Variants in WWC2 observed in about 807,000 individuals in gnomAD.
The protein encoded by WWC2 is WW and C2 domain containing 2.
WWC2 carries 101 observed loss-of-function variants against 138.5 expected under a neutral mutation model. The ratio of observed to expected loss-of-function variants is 0.73; its 90% CI spans 0.62 to 0.86. The LOEUF is 0.86. Among genes scored for constraint, WWC2 ranks in the 40% least tolerant of loss-of-function variants. The probability of loss-of-function intolerance (pLI) is 0.00; values close to 1 mark genes in which losing one functional copy is unlikely to be tolerated. For missense variants in WWC2, 1,420 were observed against 1,419.4 expected (o/e 1.00, Z -0.01); for synonymous variants, 558 against 538.4 (o/e 1.04, Z -0.50).
Position 183,284,245 on chromosome 4 carries a change from C to A in WWC2, c.2903C>A (p.Thr968Asn), listed in dbSNP as rs1481380472. 1.2e-6 allele frequency: 2 copies of A among 1,613,862 alleles called. No individual in the cohort carries two copies. Among genetic ancestry groups the A allele is most frequent in the Middle Eastern group, 1.6e-4 (1 of 6,084 alleles). Residue 968 changes from threonine to asparagine, a missense_variant, in exon 19 of 23, where the codon ACT (threonine) becomes AAT (asparagine). Thr to Asn is a moderately conservative substitution (Grantham distance 65, BLOSUM62 0). Transcript: ENST00000403733. ...TTATAGGTTGACAAAGAGACAAACA[C>A]TGATGAAGCCGCTAATGACAATATG... ...IPTLVDKETN[T>N]DEAANDNMAV...
At chr4:183,247,553 GTA>G (rs915522743) in intron 6 of WWC2, among the ~76,000 whole-genome samples, 48 of 128,094 alleles carry the variant, frequency 3.7e-4, no homozygotes, top group Middle Eastern at 8.4e-3. Flanking sequence ...TATATATACT[GTA>G]TATACTATAT....
At chr4:183,141,303 A>ATG (rs1733292691) in intron 1 of WWC2, among the ~76,000 whole-genome samples, 1 of 152,088 alleles carries the variant, frequency 6.6e-6, no homozygotes, top group Non-Finnish European at 1.5e-5. Context: ...CTTTCTCACC[A>ATG]TGTGTGTGTG....
At chr4:183,266,963 T>C (rs994211878) in intron 14 of WWC2, among the ~76,000 whole-genome samples, 11 of 152,072 alleles carry the variant, frequency 7.2e-5, no homozygotes, top group Non-Finnish European at 1.6e-4. Flanking sequence ...AAGAAGAAAC[T>C]GGATCTAAGA....
At chr4:183,232,386 G>A (rs1298688427) in intron 4 of WWC2, among the ~76,000 whole-genome samples, 1 of 152,032 alleles carries the variant, frequency 6.6e-6, no homozygotes. Context: ...CCTGCCCCCA[G>A]AGGGAACCTT....
chr4:183,212,446 C>T (rs574784449), intron 4 of WWC2, among the ~76,000 whole-genome samples: 13 of 152,068 alleles, frequency 8.5e-5, no homozygotes, highest in Non-Finnish European at 1.5e-4. Flanking sequence ...ATGTTTGTTT[C>T]TGTGATCTAC....
rs748482615 is a variant in WWC2, at chr4:183,261,223, C to T, written c.1600C>T (p.Pro534Ser). 1 of 1,612,946 alleles carries T rather than the reference C, an allele frequency of 6.2e-7. No individual in the cohort carries two copies. The highest frequency in any genetic ancestry group is 1.1e-5 in the South Asian group (1 of 90,874). Residue 534 changes from proline (P) to serine (S), a missense_variant, in exon 11 of 23, where the codon CCT becomes TCT. Coordinates refer to ENST00000403733, the MANE Select transcript of WWC2 (RefSeq NM_024949.6). ...GVAAAATGHT[P>S]PLAEAPKSVA... ...GGCAGCTGCAGCAACAGGCCACACT[C>T]CTCCACTGGCTGAGGCCCCGAAGTC...
At chr4:183,103,046 C>A (rs982123780) in intron 1 of WWC2, among the ~76,000 whole-genome samples, 36 of 152,046 alleles carry the variant, frequency 2.4e-4, no homozygotes, top group Admixed American at 4.6e-4. Flanking sequence ...TTGAATGTTA[C>A]CCAGAGATAC....
At chr4:183,148,109 G>A (rs1366242228) in intron 1 of WWC2, among the ~76,000 whole-genome samples, 2 of 152,152 alleles carry the variant, frequency 1.3e-5, no homozygotes, top group Admixed American at 1.3e-4. Flanking sequence ...GATACATGTA[G>A]CGTGTGAGGT....
intron 1 of WWC2, among the ~76,000 whole-genome samples, chr4:183,106,260 A>G (rs993874141): frequency 2.0e-5 from 3 of 152,198 alleles, no homozygotes; most frequent in Admixed American, 6.5e-5. Context: ...CTGGGATTAC[A>G]GGCATGAGCC....
intron 1 of WWC2, among the ~76,000 whole-genome samples, chr4:183,178,783 G>A (rs377624448): frequency 2.2e-4 from 33 of 152,240 alleles, no homozygotes; most frequent in African/African-American, 7.7e-4. Context: ...GCTTCAGGGC[G>A]CATAATCGAG....
At chr4:183,113,507 T>TGCGC (rs1732309338) in intron 1 of WWC2, among the ~76,000 whole-genome samples, 1 of 144,562 alleles carries the variant, frequency 6.9e-6, no homozygotes, top group Non-Finnish European at 1.5e-5. Context: ...TGTGTGTGTG[T>TGCGC]GTGTGTGTGC....
At chr4:183,103,881 A>G (rs535063404) in intron 1 of WWC2, among the ~76,000 whole-genome samples, 20 of 135,788 alleles carry the variant, frequency 1.5e-4, no homozygotes, top group African/African-American at 4.7e-4. Flanking sequence ...TGATGCGCCC[A>G]CCTTGGCCTC....
intron 9 of WWC2, among the ~76,000 whole-genome samples, chr4:183,258,155 C>T (rs567535260): frequency 6.6e-6 from 1 of 152,338 alleles, no homozygotes; most frequent in South Asian, 2.1e-4. Context: ...AAGTGTTTCT[C>T]TTGTTTCAGA....
At chr4:183,103,190 T>G (rs1351269968) in intron 1 of WWC2, among the ~76,000 whole-genome samples, 1 of 150,054 alleles carries the variant, frequency 6.7e-6, no homozygotes, top group Non-Finnish European at 1.5e-5. Context: ...TCTAACTGAA[T>G]AAAAATAATC....
intron 1 of WWC2, among the ~76,000 whole-genome samples, chr4:183,182,560 A>G (rs1357020977): frequency 6.6e-6 from 1 of 150,686 alleles, no homozygotes; most frequent in Non-Finnish European, 1.5e-5. Flanking sequence ...AAAGAGGTTC[A>G]GGTTAAAGTG....
intron 1 of WWC2, among the ~76,000 whole-genome samples, chr4:183,181,701 A>C (rs2111185504): frequency 6.6e-6 from 1 of 152,298 alleles, no homozygotes; most frequent in East Asian, 1.9e-4. Context: ...TTAGTAATTA[A>C]GTTTTGGGAG....
chr4:183,245,205 C>T (rs747748125), intron 5 of WWC2, among the ~76,000 whole-genome samples: 10 of 127,562 alleles, frequency 7.8e-5, no homozygotes, highest in Non-Finnish European at 1.3e-4. Context: ...CCAGCCTGGG[C>T]GACAGAACAA....
rs779426062 is a variant in WWC2, at chr4:183,320,303, T to C, written c.*4574T>C. On this transcript the variant is annotated 3_prime_UTR_variant, in exon 23 of 23. Coordinates refer to ENST00000403733, the MANE Select transcript of WWC2 (RefSeq NM_024949.6). Reference sequence around the variant, plus strand: ...AGTGTGACACTTGTGTTATAACTTATGAAACTCAGAAATATTTCTTCATTG... The same window carrying C: ...AGTGTGACACTTGTGTTATAACTTACGAAACTCAGAAATATTTCTTCATTG... 14 of 1,235,002 alleles carry C rather than the reference T, an allele frequency of 1.1e-5. No homozygotes were observed. The Admixed American group carries it at 1.3e-4, about 12-fold the overall frequency. 76.5% of individuals were successfully genotyped at this position (1,235,002 alleles called of 1,614,324 possible). A position where few individuals can be genotyped will look rare whatever the true frequency, so the allele number is the denominator to read the frequency against.
chr4:183,275,889 C>CCTGTA (rs1334541574), intron 16 of WWC2, among the ~76,000 whole-genome samples: 1 of 152,048 alleles, frequency 6.6e-6, no homozygotes, highest in Non-Finnish European at 1.5e-5. Context: ...GCCATCCAGT[C>CCTGTA]CTGTACTTTT....
Sources: allele counts gnomAD v4.1 joint callset (sites outside exome capture counted in the v4.1 genomes callset), GRCh38; gene constraint gnomAD v4.1.1; transcripts MANE v1.5; gene names NCBI Gene and HGNC (gene_info 2026-07-23, HGNC 2026-07-21).